Variants in SSBP4 observed in about 807,000 individuals in gnomAD.
The protein encoded by SSBP4 is single-stranded DNA-binding protein 4.
A neutral mutation model predicts 64.6 loss-of-function variants in SSBP4; 33 were observed. The observed-to-expected ratio is 0.51, with a 90% CI of 0.39 to 0.68. The LOEUF (loss-of-function observed/expected upper bound fraction) is 0.68, where lower values mean the gene tolerates loss of function less well. Ranked by LOEUF, SSBP4 falls within the 30% of genes least tolerant of loss-of-function variation. SSBP4 has a pLI of 0.00. For missense variants in SSBP4, 583 were observed against 566.8 expected (o/e 1.03, Z -0.29); for synonymous variants, 243 against 224.0 (o/e 1.08, Z -0.76).
chr19:18,422,324 A>G lies in SSBP4; in HGVS notation c.59+2617A>G, dbSNP rs529859018. Among the ~76,000 whole-genome samples, 3 of 152,234 alleles carry G rather than the reference A, an allele frequency of 2.0e-5. No individual in the cohort carries two copies. The South Asian group carries it at 6.2e-4, about 32-fold the overall frequency. ...TGTCCTCCCACTCCCCAACCTGCCC[A>G]GCAGAGGTGCTTTGGGGACACTGGC... On this transcript the variant is annotated intron_variant, in intron 1 of 17. Transcript: ENST00000270061.
intron 4 of SSBP4, among the ~76,000 whole-genome samples, chr19:18,429,457 G>A (rs2144759603): frequency 7.4e-6 from 1 of 135,462 alleles, no homozygotes; most frequent in East Asian, 2.0e-4. Context: ...GGGAAGCTGC[G>A]GGTCGCAGGG....
chr19:18,432,181 C>A lies in SSBP4; in HGVS notation c.671C>A (p.Ser224Tyr). The A allele has an allele frequency of 6.2e-7, 1 of 1,613,154 alleles. No individual in the cohort carries two copies. The highest frequency in any genetic ancestry group is 8.5e-7 in the Non-Finnish European group (1 of 1,179,992). Reference sequence around the variant, plus strand: ...GGTGGCATGCGACCCCCACCCAACTCCCTCGCCGGCCCAGGCCTGCCTGCC... The same window carrying A: ...GGTGGCATGCGACCCCCACCCAACTACCTCGCCGGCCCAGGCCTGCCTGCC... ...YGGGMRPPPN[S>Y]LAGPGLPAMN... The change falls in exon 10 of 18, where the codon TCC becomes TAC. Residue 224 changes from serine to tyrosine, a missense_variant. Physicochemically the swap from Ser to Tyr is moderately radical, Grantham distance 144. This residue lies in a region of SSBP4 where 444 missense variants were observed against 386.6 expected (regional missense o/e 1.15). Transcript: ENST00000270061.
Position 18,423,739 on chromosome 19 carries a change from T to C in SSBP4, c.60-3612T>C, listed in dbSNP as rs1217775665. Among the ~76,000 whole-genome samples, 3 of 152,116 alleles carry C rather than the reference T, an allele frequency of 2.0e-5. No individual in the cohort carries two copies. The highest frequency in any genetic ancestry group is 4.4e-5 in the Non-Finnish European group (3 of 68,004). Reference sequence around the variant, plus strand: ...CAGGCGCCCCATGTCCTCCGAGTCTTGTGTTCCTTCTGCAGGGAGAGCTGC... The same window carrying C: ...CAGGCGCCCCATGTCCTCCGAGTCTCGTGTTCCTTCTGCAGGGAGAGCTGC... On this transcript the variant is annotated intron_variant, in intron 1 of 17. Transcript: ENST00000270061. The surrounding 1 kb of genome is among the most constrained non-coding windows in gnomAD (Gnocchi z 4.0).
chr19:18,428,890 G>A (rs1268969991), intron 4 of SSBP4, among the ~76,000 whole-genome samples: 2 of 152,196 alleles, frequency 1.3e-5, no homozygotes, highest in African/African-American at 4.8e-5. Flanking sequence ...CGCTAGATCT[G>A]GGGCCCCGGG....
At chr19:18,420,343 G>T (rs551642930) in intron 1 of SSBP4, among the ~76,000 whole-genome samples, 1 of 152,224 alleles carries the variant, frequency 6.6e-6, no homozygotes, top group East Asian at 1.9e-4. Context: ...CATACTGAGG[G>T]CCCCTTTTGT....
At chr19:18,411,647 C>G in the SSBP4 span, among the ~76,000 whole-genome samples, 2 of 152,088 alleles carry the variant, frequency 1.3e-5, no homozygotes, top group African/African-American at 4.8e-5. Flanking sequence ...GGTATCCCGG[C>G]CAGGAGAAAA....
intron 4 of SSBP4, among the ~76,000 whole-genome samples, chr19:18,429,234 C>T (rs1308126487): frequency 1.3e-5 from 2 of 151,496 alleles, no homozygotes; most frequent in East Asian, 1.9e-4. Flanking sequence ...CCCTCCGAGG[C>T]GGGGGAGGGG....
At chr19:18,409,879 T>A in the SSBP4 span, among the ~76,000 whole-genome samples, 1 of 152,296 alleles carries the variant, frequency 6.6e-6, no homozygotes, top group South Asian at 2.1e-4. Flanking sequence ...TCATCCAGGC[T>A]GGAGTGCAGT....
At chr19:18,409,061 G>A in the SSBP4 span, among the ~76,000 whole-genome samples, 8 of 152,004 alleles carry the variant, frequency 5.3e-5, no homozygotes, top group Admixed American at 1.3e-4. Context: ...CGATCCTCCC[G>A]TCTTGCCCTC....
chr19:18,431,911 G>A, intron 8 of SSBP4, 49 bp downstream of exon 8: 1 of 1,566,236 alleles, frequency 6.4e-7, no homozygotes, highest in South Asian at 1.2e-5. Context: ...CAGAATTCCA[G>A]CTCTCAGAGC....
At chr19:18,417,620 G>C (rs188432733), upstream of SSBP4, among the ~76,000 whole-genome samples, 1 of 152,306 alleles carries the variant, frequency 6.6e-6, no homozygotes, top group African/African-American at 2.4e-5. The surrounding 1 kb of genome is among the most constrained non-coding windows in gnomAD (Gnocchi z 5.4). Context: ...CTCCGGGGCC[G>C]TCGCCAGCCC....
upstream of SSBP4, among the ~76,000 whole-genome samples, chr19:18,418,407 C>T (rs570089754): frequency 1.3e-5 from 2 of 152,360 alleles, no homozygotes; most frequent in Non-Finnish European, 2.9e-5. This position sits in a 1 kb window ranked among gnomAD's most constrained non-coding sequence, Gnocchi z 6.7. Flanking sequence ...TCCGCCCCCA[C>T]CCTCTCTGAA....
intron 4 of SSBP4, 78 bp downstream of exon 4, chr19:18,428,060 G>A: frequency 7.1e-7 from 1 of 1,399,488 alleles, no homozygotes; most frequent in South Asian, 1.2e-5. Context: ...GTGGGGTGGG[G>A]GGCTGCACAG....
chr19:18,431,590 G>T lies in SSBP4; in HGVS notation c.436-57G>T, dbSNP rs540293093. On this transcript the variant is annotated intron_variant, in intron 6 of 17. Transcript: ENST00000270061. ...GGGGCCCCAGCATAGCAGGAATGGG[G>T]TAGCTTTGGGGACCAGAGGGTGGGG... 2.5e-5 allele frequency: 38 copies of T among 1,513,566 alleles called. No homozygotes were observed. In the East Asian group the frequency reaches 6.0e-4, roughly 24 times the overall value. The allele number at this position is 1,513,566 out of a possible 1,614,324, so 93.8% of individuals were successfully genotyped here. A position where few individuals can be genotyped will look rare whatever the true frequency, so the allele number is the denominator to read the frequency against.
At chr19:18,430,797 C>T (rs1395560919) in intron 4 of SSBP4, 44 bp from the exon 5 acceptor site, 11 of 1,561,004 alleles carry the variant, frequency 7.0e-6, no homozygotes, top group Non-Finnish European at 9.6e-6. Context: ...AGGAAGTGTC[C>T]AGGTGTCCTG....
Position 18,433,362 on chromosome 19 carries a change from C to T in SSBP4, c.991+149C>T, listed in dbSNP as rs1272036392. 1.2e-5 allele frequency: 15 copies of T among 1,283,318 alleles called. No individual in the cohort carries two copies. In the Admixed American group the frequency reaches 3.4e-4, roughly 29 times the overall value. The allele number at this position is 1,283,318 out of a possible 1,614,324, so 79.5% of individuals were successfully genotyped here. On this transcript the variant is annotated intron_variant, in intron 15 of 17. Coordinates refer to ENST00000270061, the MANE Select transcript of SSBP4 (RefSeq NM_032627.5). ...GGGCCGCTCAGTGACAGGGGCTGCCCCGAGCTGGAGGGGGATCCAGCGACC... is the reference window on the plus strand; with the variant it reads ...GGGCCGCTCAGTGACAGGGGCTGCCTCGAGCTGGAGGGGGATCCAGCGACC...
chr19:18,424,423 G>A (rs1224786572), intron 1 of SSBP4, among the ~76,000 whole-genome samples: 1 of 152,152 alleles, frequency 6.6e-6, no homozygotes, highest in Admixed American at 6.5e-5. Context: ...ACTCTCAGAT[G>A]GAGGAGACGG....
the SSBP4 span, among the ~76,000 whole-genome samples, chr19:18,408,874 C>A: frequency 1.3e-5 from 2 of 150,956 alleles, no homozygotes; most frequent in Non-Finnish European, 1.5e-5. Context: ...AGTGCAGTGG[C>A]GTGATCTCAC....
chr19:18,406,178 G>C, the SSBP4 span, among the ~76,000 whole-genome samples: 1 of 150,910 alleles, frequency 6.6e-6, no homozygotes, highest in Non-Finnish European at 1.5e-5. Flanking sequence ...TATGAGACAG[G>C]ATCTGGCTGT....
Sources: allele counts gnomAD v4.1 joint callset (sites outside exome capture counted in the v4.1 genomes callset), GRCh38; gene constraint gnomAD v4.1.1; regional missense constraint gnomAD v4.1.1; non-coding constraint Gnocchi (gnomAD v3.1); transcripts MANE v1.5; gene names NCBI Gene and HGNC (gene_info 2026-07-23, HGNC 2026-07-21).